Variants in SYNE2 observed in about 807,000 individuals in gnomAD.
SYNE2 encodes spectrin repeat containing nuclear envelope protein 2, also known as nesprin-2.
A neutral mutation model predicts 856.3 loss-of-function variants in SYNE2; 431 were observed. The observed-to-expected ratio is 0.50, with a 90% CI of 0.47 to 0.55. The LOEUF is 0.55. Ranked by LOEUF, SYNE2 falls within the 20% of genes least tolerant of loss-of-function variation. The pLI is 0.00. For missense variants in SYNE2, 8,129 were observed against 8,023.2 expected, an observed-to-expected ratio of 1.01 and a Z score of -0.50; for synonymous variants, 2,923 against 2,872.3, an observed-to-expected ratio of 1.02 and a Z score of -0.56.
intron 1 of SYNE2, among the ~76,000 whole-genome samples, chr14:63,879,779 G>A (rs545354889): frequency 2.6e-5 from 4 of 152,278 alleles, no homozygotes; most frequent in Admixed American, 1.3e-4. Flanking sequence ...TACAAATACC[G>A]CAAGATTAAA....
At chr14:64,024,548 G>A (rs751445248) in intron 39 of SYNE2, 89 bp downstream of exon 39, 13 of 1,246,094 alleles carry the variant, frequency 1.0e-5, no homozygotes, top group East Asian at 2.5e-5. Flanking sequence ...ACTGGGATAC[G>A]CAGTACACAC....
intron 73 of SYNE2, among the ~76,000 whole-genome samples, 179 bp downstream of exon 73, chr14:64,126,986 C>T (rs1337891766): frequency 6.6e-6 from 1 of 152,294 alleles, no homozygotes; most frequent in Non-Finnish European, 1.5e-5. Flanking sequence ...TGGCCGAGTG[C>T]AGTGGCTCAC....
rs745639925 is a variant in SYNE2, at chr14:64,130,034, T to C, written c.14140-14T>C. 66 of 1,613,398 alleles carry C rather than the reference T, an allele frequency of 4.1e-5. No homozygotes were observed. Among genetic ancestry groups the C allele is most frequent in the Middle Eastern group, 3.6e-4 (2 of 5,544 alleles). On this transcript the variant is annotated splice_polypyrimidine_tract_variant and intron_variant, in intron 75 of 115. Transcript: ENST00000555002. ...GATGAAAATGCATGTGTGCACCTGCTCTTCTCTTTTCAGGATGTACTTGAC... is the reference window on the plus strand; with the variant it reads ...GATGAAAATGCATGTGTGCACCTGCCCTTCTCTTTTCAGGATGTACTTGAC...
chr14:64,187,317 G>T (rs1245527772), intron 97 of SYNE2, among the ~76,000 whole-genome samples: 1 of 152,132 alleles, frequency 6.6e-6, no homozygotes, highest in Non-Finnish European at 1.5e-5. Context: ...CGTTCTCCTT[G>T]ATTTTAGTAT....
chr14:63,931,241 A>C (rs1304780937), intron 2 of SYNE2, among the ~76,000 whole-genome samples: 1 of 152,150 alleles, frequency 6.6e-6, no homozygotes, highest in Non-Finnish European at 1.5e-5. Context: ...GAAGAAACAA[A>C]TTGCCTAGGG....
At chr14:64,220,414 C>T (rs747968253) in intron 110 of SYNE2, 23 bp from the exon 111 acceptor site, 1 of 1,613,690 alleles carries the variant, frequency 6.2e-7, no homozygotes, top group Non-Finnish European at 8.5e-7. Context: ...AGCTCCTAAC[C>T]TCATCTTTTC....
chr14:63,815,747 C>T (rs1044040960), intron 1 of SYNE2, among the ~76,000 whole-genome samples: 2 of 152,018 alleles, frequency 1.3e-5, no homozygotes, highest in African/African-American at 4.8e-5. Context: ...GGACAACCTT[C>T]GTGCCTAATG....
intron 1 of SYNE2, among the ~76,000 whole-genome samples, chr14:63,867,318 T>G (rs548177850): frequency 6.6e-6 from 1 of 151,640 alleles, no homozygotes; most frequent in South Asian, 2.1e-4. Flanking sequence ...TTAATATAGT[T>G]ACCAAACTAA....
chr14:63,894,968 G>T (rs1430254859), intron 1 of SYNE2, among the ~76,000 whole-genome samples: 2 of 152,138 alleles, frequency 1.3e-5, no homozygotes, highest in African/African-American at 4.8e-5. Context: ...TTTTCCGTAG[G>T]GATGCTTTAG....
At chr14:63,888,611 C>G (rs2095053414) in intron 1 of SYNE2, among the ~76,000 whole-genome samples, 1 of 152,208 alleles carries the variant, frequency 6.6e-6, no homozygotes, top group African/African-American at 2.4e-5. Context: ...TCCCATCTTG[C>G]TGACTACCCA....
intron 108 of SYNE2, among the ~76,000 whole-genome samples, chr14:64,216,710 C>T (rs1463402652): frequency 6.6e-6 from 1 of 152,222 alleles, no homozygotes; most frequent in Non-Finnish European, 1.5e-5. Context: ...TGCTCCTGAG[C>T]TCTCAAGCCT....
intron 85 of SYNE2, among the ~76,000 whole-genome samples, chr14:64,154,618 C>A (rs1310049188): frequency 2.6e-5 from 4 of 151,848 alleles, no homozygotes. Context: ...CATGGCAAAA[C>A]CCTATCTCTA....
rs1165428827 is a variant in SYNE2 at position 64,053,651 on chromosome 14, G to C, written c.9738G>C (p.Leu3246Phe). 2 of 1,612,866 alleles carry C rather than the reference G, an allele frequency of 1.2e-6. No homozygotes were observed. Among genetic ancestry groups the C allele is most frequent in the East Asian group, 2.2e-5 (1 of 44,864 alleles). The change falls in exon 48 of 116, where the codon TTG becomes TTC. Residue 3246 changes from leucine (L) to phenylalanine (F), a missense_variant. Physicochemically the swap from Leu to Phe is conservative, Grantham distance 22 (BLOSUM62 0). Coordinates refer to ENST00000555002, the MANE Select transcript of SYNE2 (RefSeq NM_182914.3). ...LQMQLNTSIDLRTNVLNDAYE... is the reference protein window; with the variant it reads ...LQMQLNTSIDFRTNVLNDAYE... Reference sequence around the variant, plus strand: ...TGCAGCTTAACACAAGCATTGATTTGCGCACAGTAAGTTTTAAAAATTATG... The same window carrying C: ...TGCAGCTTAACACAAGCATTGATTTCCGCACAGTAAGTTTTAAAAATTATG...
intron 7 of SYNE2, 57 bp from the exon 8 acceptor site, chr14:63,954,662 G>A: frequency 1.4e-6 from 2 of 1,459,028 alleles, no homozygotes; most frequent in Non-Finnish European, 1.9e-6. Flanking sequence ...ATATAGTGGA[G>A]GGGGGTGTTA....
intron 42 of SYNE2, among the ~76,000 whole-genome samples, chr14:64,027,038 A>T (rs1253544502): frequency 6.6e-6 from 1 of 152,208 alleles, no homozygotes; most frequent in Admixed American, 6.5e-5. Context: ...AATTCATATC[A>T]TGTCTACAAT....
chr14:64,194,664 A>G (rs1472727291), intron 99 of SYNE2, among the ~76,000 whole-genome samples: 1 of 152,234 alleles, frequency 6.6e-6, no homozygotes, highest in African/African-American at 2.4e-5. Context: ...ACAGACAACT[A>G]AATTACAGAA....
At chr14:63,944,517 CTTTTTT>C (rs1188374243) in intron 6 of SYNE2, among the ~76,000 whole-genome samples, 1 of 90,132 alleles carries the variant, frequency 1.1e-5, no homozygotes, top group East Asian at 3.2e-4. Flanking sequence ...TAAAGCCTTT[CTTTTTT>C]TTTTTTTTTT....
intron 11 of SYNE2, among the ~76,000 whole-genome samples, chr14:63,974,029 A>G (rs543572992): frequency 2.6e-5 from 4 of 152,342 alleles, no homozygotes; most frequent in African/African-American, 9.6e-5. Context: ...CAGGAGTTCA[A>G]GACCAGCCTG....
At chr14:64,145,641 GAC>G (rs1469274965) in intron 83 of SYNE2, among the ~76,000 whole-genome samples, 1 of 151,852 alleles carries the variant, frequency 6.6e-6, no homozygotes, top group Non-Finnish European at 1.5e-5. Flanking sequence ...AGACATTAAA[GAC>G]AATGATTATT....
Sources: gnomAD v4.1 joint callset for allele counts (sites outside exome capture counted in the v4.1 genomes callset) on GRCh38, gnomAD v4.1.1 for gene constraint, MANE v1.5 for transcripts, NCBI Gene and HGNC (gene_info 2026-07-23, HGNC 2026-07-21) for gene names.